The following NPR3 variants were observed in gnomAD, a reference collection of about 807,000 sequenced individuals.
NPR3 encodes natriuretic peptide receptor 3, also known as atrial natriuretic peptide receptor 3.
A neutral mutation model predicts 54.5 loss-of-function variants in NPR3; 34 were observed. The ratio of observed to expected loss-of-function variants is 0.62; its 90% confidence interval spans 0.47 to 0.83. NPR3 has a LOEUF of 0.83. Ranked by LOEUF, NPR3 falls within the 40% of genes least tolerant of loss-of-function variation. The probability of loss-of-function intolerance (pLI) is 0.00; values close to 1 mark genes in which losing one functional copy is unlikely to be tolerated. For missense variants in NPR3, 674 were observed against 720.8 expected (o/e 0.94, Z 0.74); for synonymous variants, 289 against 297.1 (o/e 0.97, Z 0.28).
intron 2 of NPR3, among the ~76,000 whole-genome samples, chr5:32,725,317 T>A (rs1166042462): frequency 6.6e-6 from 1 of 152,228 alleles, no homozygotes; most frequent in East Asian, 1.9e-4. Context: ...TTGAGTTATG[T>A]CCATAAATGT....
chr5:32,714,261 GC>G (rs1738427986), intron 1 of NPR3, among the ~76,000 whole-genome samples: 1 of 152,358 alleles, frequency 6.6e-6, no homozygotes, highest in African/African-American at 2.4e-5. Context: ...GTCAGCGGCT[GC>G]CCCGGCGCAC....
At chr5:32,737,451 T>G (rs1051868175) in intron 2 of NPR3, among the ~76,000 whole-genome samples, 7 of 152,028 alleles carry the variant, frequency 4.6e-5, no homozygotes, top group Admixed American at 6.6e-5. Context: ...TCAGGAAGAG[T>G]AGAGTGAGTG....
At chr5:32,720,022 T>A (rs190290279) in intron 1 of NPR3, among the ~76,000 whole-genome samples, 12 of 152,282 alleles carry the variant, frequency 7.9e-5, no homozygotes, top group African/African-American at 2.9e-4. Context: ...TAAAAGCAGT[T>A]GAACATGGAT....
intron 3 of NPR3, among the ~76,000 whole-genome samples, chr5:32,766,108 G>A (rs1741446582): frequency 6.6e-6 from 1 of 152,240 alleles, no homozygotes; most frequent in South Asian, 2.1e-4. Flanking sequence ...TGGCGGGGGT[G>A]CCCATTGGTG....
intron 3 of NPR3, among the ~76,000 whole-genome samples, chr5:32,771,051 T>A (rs1375870024): frequency 6.9e-6 from 1 of 145,354 alleles, no homozygotes; most frequent in African/African-American, 2.5e-5. Context: ...TCATACATGG[T>A]TTTTTTTTTT....
chr5:32,701,382 A>G (rs976841149), intron 1 of NPR3, among the ~76,000 whole-genome samples: 1 of 152,160 alleles, frequency 6.6e-6, no homozygotes, highest in Non-Finnish European at 1.5e-5. Flanking sequence ...TGTTTGTTGA[A>G]TTTATCTTAT....
intron 3 of NPR3, among the ~76,000 whole-genome samples, chr5:32,758,483 T>A (rs1047354909): frequency 6.6e-6 from 1 of 152,224 alleles, no homozygotes; most frequent in Admixed American, 6.5e-5. Context: ...TCTATTTGAT[T>A]CTTCTGTCTT....
intron 1 of NPR3, among the ~76,000 whole-genome samples, chr5:32,694,532 T>C (rs1017248224): frequency 2.6e-5 from 4 of 152,238 alleles, no homozygotes; most frequent in Non-Finnish European, 5.9e-5. Context: ...ATCTGCGTTT[T>C]ATTTATTTTT....
chr5:32,704,251 C>A (rs1171587629), intron 1 of NPR3, among the ~76,000 whole-genome samples: 3 of 152,166 alleles, frequency 2.0e-5, no homozygotes, highest in African/African-American at 4.8e-5. Context: ...TTGGCATTGG[C>A]AATTCAAGGC....
At chr5:32,761,061 A>G (rs1310971925) in intron 3 of NPR3, among the ~76,000 whole-genome samples, 1 of 152,058 alleles carries the variant, frequency 6.6e-6, no homozygotes, top group African/African-American at 2.4e-5. Context: ...TGTCTTGAAA[A>G]CTGTAGCTTT....
At chr5:32,777,710 A>G (rs952043377) in intron 4 of NPR3, among the ~76,000 whole-genome samples, 2 of 152,098 alleles carry the variant, frequency 1.3e-5, no homozygotes, top group Non-Finnish European at 2.9e-5. Flanking sequence ...ATTTCTCTCT[A>G]GTGGATGCCA....
intron 3 of NPR3, 130 bp downstream of exon 3, chr5:32,739,160 G>A: frequency 7.1e-6 from 6 of 843,664 alleles, no homozygotes; most frequent in Non-Finnish European, 1.1e-5. Flanking sequence ...TGTCACTGTT[G>A]CCTTCTGTGT....
intron 2 of NPR3, among the ~76,000 whole-genome samples, chr5:32,738,476 C>T (rs1307522542): frequency 6.6e-6 from 1 of 152,120 alleles, no homozygotes; most frequent in African/African-American, 2.4e-5. Context: ...ACCACACTAG[C>T]CACTTGATTC....
intron 1 of NPR3, among the ~76,000 whole-genome samples, chr5:32,702,567 C>T (rs1487847467): frequency 1.3e-5 from 2 of 151,898 alleles, no homozygotes; most frequent in Admixed American, 6.6e-5. Flanking sequence ...CAATTTCATC[C>T]GTGTCCCTAC....
chr5:32,764,696 G>A (rs967511866), intron 3 of NPR3, among the ~76,000 whole-genome samples: 2 of 146,572 alleles, frequency 1.4e-5, no homozygotes, highest in Non-Finnish European at 3.0e-5. Flanking sequence ...GCTGAGGCAG[G>A]AGAATTGCTT....
At position 32,784,886 on chromosome 5, in the gene NPR3, G is replaced by A. The variant is rs1263179896; in HGVS notation, c.1514+3G>A. On this transcript the variant is annotated splice_donor_region_variant and intron_variant, in intron 7 of 7. Transcript: ENST00000265074. ...CTAATGGCCTTCTACTTTTTCAGGT[G>A]AGGACGGTTTGTAAAGGTACAATTC... 6.2e-7 allele frequency: 1 copy of A among 1,608,582 alleles called. No individual in the cohort carries two copies. Among genetic ancestry groups the A allele is most frequent in the South Asian group, 1.1e-5 (1 of 90,992 alleles).
chr5:32,750,951 A>G (rs1289174783), intron 3 of NPR3, among the ~76,000 whole-genome samples: 1 of 152,208 alleles, frequency 6.6e-6, no homozygotes, highest in Admixed American at 6.5e-5. Flanking sequence ...ATCTTGGTAT[A>G]TGAAGACTGT....
intron 1 of NPR3, 21 bp downstream of exon 1, chr5:32,712,566 G>C (rs774639707): frequency 4.7e-6 from 7 of 1,501,734 alleles, no homozygotes; most frequent in Non-Finnish European, 5.3e-6. Context: ...GCGCGTCCCG[G>C]GCCCCGGGCC....
intron 3 of NPR3, among the ~76,000 whole-genome samples, chr5:32,774,474 C>G (rs2112048223): frequency 6.6e-6 from 1 of 152,292 alleles, no homozygotes; most frequent in South Asian, 2.1e-4. Flanking sequence ...TCAACAGGTA[C>G]AGTTTTCTTG....
Sources: gnomAD v4.1 joint callset for allele counts (sites outside exome capture counted in the v4.1 genomes callset) on GRCh38, gnomAD v4.1.1 for gene constraint, MANE v1.5 for transcripts, NCBI Gene and HGNC (gene_info 2026-07-23, HGNC 2026-07-21) for gene names.